PRDM16: variants seen among roughly 807,000 people sequenced by gnomAD.
PRDM16 encodes the protein histone-lysine N-methyltransferase PRDM16.
In PRDM16, 23 loss-of-function variants were observed where a neutral mutation model predicts 110.6. That is an observed-to-expected ratio of 0.21 (90% CI 0.15 to 0.29). PRDM16 has a LOEUF of 0.29. Among genes scored for constraint, PRDM16 ranks in the 10% least tolerant of loss-of-function variants. PRDM16 has a pLI of 1.00. For synonymous variants in PRDM16, 799 were observed against 781.8 expected, an observed-to-expected ratio of 1.02 and a Z score of -0.37; for missense variants, 1,615 against 1,794.3, an observed-to-expected ratio of 0.90 and a Z score of 1.81.
At chr1:3,195,784 A>G (rs546622586) in intron 2 of PRDM16, among the ~76,000 whole-genome samples, 15 of 152,280 alleles carry the variant, frequency 9.9e-5, no homozygotes, top group African/African-American at 3.4e-4. Flanking sequence ...TCCCTGTGAG[A>G]ACAGGGTGCT....
At position 3,339,232 on chromosome 1, in the gene PRDM16, GC is replaced by G. The variant is rs1304928446; in HGVS notation, c.439-45915del. Among the ~76,000 whole-genome samples the G allele has an allele frequency of 1.3e-5, 2 of 152,056 alleles. No individual in the cohort carries two copies. The highest frequency in any genetic ancestry group is 3.9e-4 in the East Asian group (2 of 5,170). Reference sequence around the variant, plus strand: ...GCCGAACCACGTTTTGTGGGATACTGCCCCCGAGGGAGACAGCTCACCCACC... The same window carrying G: ...GCCGAACCACGTTTTGTGGGATACTGCCCCGAGGGAGACAGCTCACCCACC... On this transcript the variant is annotated intron_variant, in intron 3 of 16. Coordinates refer to ENST00000270722, the MANE Select transcript of PRDM16 (RefSeq NM_022114.4). The surrounding 1 kb of genome is among the most constrained non-coding windows in gnomAD (Gnocchi z 5.0).
At chr1:3,424,328 G>C (rs974497686) in intron 12 of PRDM16, among the ~76,000 whole-genome samples, 2 of 152,206 alleles carry the variant, frequency 1.3e-5, no homozygotes, top group Non-Finnish European at 2.9e-5. Flanking sequence ...TGCCTGCAGG[G>C]TCACCACGTG....
chr1:3,319,125 C>T (rs1366395977), intron 3 of PRDM16, among the ~76,000 whole-genome samples: 3 of 152,086 alleles, frequency 2.0e-5, no homozygotes, highest in East Asian at 3.9e-4. Flanking sequence ...TTTCAGAGGT[C>T]GTCTGGCATG....
At chr1:3,140,623 T>C (rs1643530856) in intron 1 of PRDM16, among the ~76,000 whole-genome samples, 1 of 152,240 alleles carries the variant, frequency 6.6e-6, no homozygotes, top group Non-Finnish European at 1.5e-5. Context: ...TATTTTACCC[T>C]CAGAGCTGAG....
chr1:3,094,830 G>A (rs763046041), intron 1 of PRDM16, among the ~76,000 whole-genome samples: 33 of 152,288 alleles, frequency 2.2e-4, no homozygotes, highest in African/African-American at 5.5e-4. Flanking sequence ...TCCCTGCTGC[G>A]GTTGCCGAGG....
chr1:3,318,555 C>T (rs900536685), intron 3 of PRDM16, among the ~76,000 whole-genome samples: 5 of 152,140 alleles, frequency 3.3e-5, no homozygotes, highest in Non-Finnish European at 7.3e-5. Context: ...AATTAGCTAT[C>T]TATTGATCAT....
chr1:3,129,283 G>C (rs373101575), intron 1 of PRDM16, among the ~76,000 whole-genome samples: 6 of 148,572 alleles, frequency 4.0e-5, no homozygotes, highest in East Asian at 4.0e-4. Flanking sequence ...TGTGTGTCCT[G>C]CCTGGTGTGT....
intron 16 of PRDM16, 107 bp from the exon 17 acceptor site, chr1:3,433,569 CT>C: frequency 1.0e-5 from 4 of 388,340 alleles, no homozygotes; most frequent in South Asian, 7.8e-5. Context: ...ACCTGCCTGT[CT>C]GGGATGGCCC....
chr1:3,331,039 C>A (rs994075459), intron 3 of PRDM16, among the ~76,000 whole-genome samples: 3 of 152,240 alleles, frequency 2.0e-5, no homozygotes, highest in African/African-American at 7.2e-5. Flanking sequence ...CCCGCTAAAC[C>A]CCACATTGAC....
chr1:3,252,776 T>G (rs2100224179), intron 3 of PRDM16, among the ~76,000 whole-genome samples: 1 of 152,244 alleles, frequency 6.6e-6, no homozygotes, highest in South Asian at 2.1e-4. Flanking sequence ...GGGTCCCAGC[T>G]GGGACCACTG....
intron 2 of PRDM16, among the ~76,000 whole-genome samples, chr1:3,231,068 C>T (rs991938708): frequency 3.9e-5 from 6 of 152,174 alleles, no homozygotes; most frequent in African/African-American, 1.4e-4. Flanking sequence ...CGTGGTGTCT[C>T]TGCCGTGGGC....
chr1:3,394,578 G>A (rs1048117157), intron 4 of PRDM16: 3 of 381,636 alleles, frequency 7.9e-6, no homozygotes, highest in Admixed American at 5.3e-5. Flanking sequence ...GGGACCCCTC[G>A]AGAAGCCTCA....
Position 3,074,405 on chromosome 1 carries a change from T to C in PRDM16, c.37+5109T>C, listed in dbSNP as rs1004423121. On this transcript the variant is annotated intron_variant, in intron 1 of 16. Transcript: ENST00000270722. ...ACAGGCTGCCGTTAATTCCATAGGG[T>C]TTTTTCTGTGTGTGTGTGTGTGTGC... Among the ~76,000 whole-genome samples the C allele has an allele frequency of 5.9e-5, 9 of 151,652 alleles. No individual in the cohort carries two copies. In the South Asian group the frequency reaches 6.3e-4, roughly 11 times the overall value.
At position 3,290,422 on chromosome 1, in the gene PRDM16, G is replaced by A. The variant is rs1440570633; in HGVS notation, c.438+46285G>A. On this transcript the variant is annotated intron_variant, in intron 3 of 16. Transcript: ENST00000270722. This position sits in a 1 kb window ranked among gnomAD's most constrained non-coding sequence, Gnocchi z 4.8. The stretch of plus-strand genomic sequence containing the variant: ...GGGAAATTTGCCGGTTCCCCAAAGA[G>A]CCTGCTGCCTCCACCTGCTGTGTTC... 6.6e-6 allele frequency among the ~76,000 whole-genome samples: 1 copy of A among 152,186 alleles called. No individual in the cohort carries two copies. The highest frequency in any genetic ancestry group is 2.4e-5 in the African/African-American group (1 of 41,438).
At chr1:3,325,362 T>C (rs773900805) in intron 3 of PRDM16, among the ~76,000 whole-genome samples, 5 of 152,180 alleles carry the variant, frequency 3.3e-5, no homozygotes, top group Admixed American at 6.5e-5. Flanking sequence ...CAGCTCTCTC[T>C]GGGAGATGAA....
rs1317551373 is a variant in PRDM16 at position 3,175,588 on chromosome 1, AG to A, written c.38-10535del. Reference sequence around the variant, plus strand: ...CCTGCTTGGTTCTGAGAAGGAAAAGAGGAGCCAGAGGATGGGGCCCCAACAA... The same window carrying A: ...CCTGCTTGGTTCTGAGAAGGAAAAGAGAGCCAGAGGATGGGGCCCCAACAA... On this transcript the variant is annotated intron_variant, in intron 1 of 16. Transcript: ENST00000270722. This position sits in a 1 kb window ranked among gnomAD's most constrained non-coding sequence, Gnocchi z 4.8. Among the ~76,000 whole-genome samples the A allele has an allele frequency of 6.6e-6, 1 of 152,152 alleles. No individual in the cohort carries two copies. The highest frequency in any genetic ancestry group is 1.5e-5 in the Non-Finnish European group (1 of 68,018).
chr1:3,410,356 C>T (rs1291805349), intron 8 of PRDM16, among the ~76,000 whole-genome samples: 2 of 152,146 alleles, frequency 1.3e-5, no homozygotes, highest in African/African-American at 4.8e-5. Flanking sequence ...TGCTGGCACT[C>T]GCCAGCCAGA....
intron 1 of PRDM16, among the ~76,000 whole-genome samples, chr1:3,070,705 G>A (rs1478955566): frequency 2.6e-5 from 4 of 152,090 alleles, no homozygotes; most frequent in African/African-American, 9.7e-5. Context: ...GACTCGCGGC[G>A]GTTTTCCGAA....
At position 3,359,486 on chromosome 1, in the gene PRDM16, A is replaced by G. The variant is rs1198375332; in HGVS notation, c.439-25666A>G. On this transcript the variant is annotated intron_variant, in intron 3 of 16. Transcript: ENST00000270722. The surrounding 1 kb of genome is among the most constrained non-coding windows in gnomAD (Gnocchi z 4.3). ...ACACTTAAAAAAGCACAAAGCAGCA[A>G]GAATTGCGGCCCGGGAGCAGTGGCT... Among the ~76,000 whole-genome samples, 1 of 152,030 alleles carries G rather than the reference A, an allele frequency of 6.6e-6. No individual in the cohort carries two copies. The highest frequency in any genetic ancestry group is 1.5e-5 in the Non-Finnish European group (1 of 68,024).
Sources: allele counts gnomAD v4.1 joint callset (sites outside exome capture counted in the v4.1 genomes callset), GRCh38; gene constraint gnomAD v4.1.1; non-coding constraint Gnocchi (gnomAD v3.1); transcripts MANE v1.5; gene names NCBI Gene and HGNC (gene_info 2026-07-23, HGNC 2026-07-21).